The following TLK1 variants were observed in gnomAD, a reference collection of about 807,000 sequenced individuals.
TLK1 encodes tousled like kinase 1.
A neutral mutation model predicts 105.3 loss-of-function variants in TLK1; 24 were observed. That is an observed-to-expected ratio of 0.23 (90% CI 0.17 to 0.32). The LOEUF (loss-of-function observed/expected upper bound fraction) is 0.32. Among genes scored for constraint, TLK1 ranks in the 10% least tolerant of loss-of-function variants. The pLI is 1.00. For missense variants in TLK1, 558 were observed against 910.5 expected (o/e 0.61, Z 4.98); for synonymous variants, 321 against 310.4 (o/e 1.03, Z -0.36).
chr2:171,001,448 G>T (rs946527582), intron 18 of TLK1, among the ~76,000 whole-genome samples: 2 of 152,142 alleles, frequency 1.3e-5, no homozygotes, highest in Non-Finnish European at 2.9e-5. Context: ...AGCACTGATG[G>T]AACCAATCCA....
intron 3 of TLK1, among the ~76,000 whole-genome samples, chr2:171,070,538 T>C (rs549927340): frequency 2.0e-5 from 3 of 152,360 alleles, no homozygotes; most frequent in East Asian, 3.9e-4. Flanking sequence ...TTTGTCTTTC[T>C]GTGCCTGGCT....
In TLK1 at chr2:171,088,901, A is replaced by T. The variant is rs1421466613; in HGVS notation, c.259-6049T>A. 2.6e-5 allele frequency among the ~76,000 whole-genome samples: 4 copies of T among 152,372 alleles called. No homozygotes were observed. The East Asian group carries it at 7.7e-4, about 29-fold the overall frequency. On this transcript the variant is annotated intron_variant, in intron 2 of 20. Coordinates refer to ENST00000431350, the MANE Select transcript of TLK1 (RefSeq NM_012290.5). Reference sequence around the variant, plus strand: ...AAAGAGAAGATATGGGATACATGAAATAGCTCAAACACAGGACAGACACAA... The same window carrying T: ...AAAGAGAAGATATGGGATACATGAATTAGCTCAAACACAGGACAGACACAA...
At chr2:171,071,467 T>C (rs1443949636) in intron 3 of TLK1, among the ~76,000 whole-genome samples, 2 of 152,158 alleles carry the variant, frequency 1.3e-5, no homozygotes. Context: ...TTTTGTATTT[T>C]TAGTAGAGAC....
At chr2:171,067,037 A>T in intron 3 of TLK1, 1 of 1,433,426 alleles carries the variant, frequency 7.0e-7, no homozygotes, top group African/African-American at 1.4e-5. Flanking sequence ...ATGGAGTAAC[A>T]TACTCCTGTA....
chr2:171,011,108 A>T (rs957304840), intron 14 of TLK1, among the ~76,000 whole-genome samples: 1 of 152,086 alleles, frequency 6.6e-6, no homozygotes, highest in African/African-American at 2.4e-5. Context: ...GGACTCTGCA[A>T]TACTCCCACC....
chr2:171,122,194 G>C (rs964202625), intron 1 of TLK1, among the ~76,000 whole-genome samples: 1 of 151,588 alleles, frequency 6.6e-6, no homozygotes. Context: ...TCGATCTCTT[G>C]ACCTCGTGAA....
At chr2:171,089,753 C>T (rs1490873754) in intron 2 of TLK1, among the ~76,000 whole-genome samples, 1 of 152,136 alleles carries the variant, frequency 6.6e-6, no homozygotes, top group Non-Finnish European at 1.5e-5. Context: ...TAGCTCACTG[C>T]ACCCTCGAAC....
At chr2:171,180,706 T>C (rs540525662) in intron 1 of TLK1, among the ~76,000 whole-genome samples, 8 of 152,272 alleles carry the variant, frequency 5.3e-5, no homozygotes, top group Non-Finnish European at 8.8e-5. Flanking sequence ...GGCTTTAAAA[T>C]GAGTGACTGT....
chr2:171,182,142 G>A (rs1390883902), intron 1 of TLK1, among the ~76,000 whole-genome samples: 2 of 152,162 alleles, frequency 1.3e-5, no homozygotes, highest in African/African-American at 2.4e-5. Flanking sequence ...CACTGTCTGT[G>A]CTAACAAATG....
intron 1 of TLK1, among the ~76,000 whole-genome samples, chr2:171,208,704 G>T (rs1693554214): frequency 6.6e-6 from 1 of 152,198 alleles, no homozygotes; most frequent in Non-Finnish European, 1.5e-5. Flanking sequence ...TCAAAAATGA[G>T]GCATTTGATA....
intron 1 of TLK1, among the ~76,000 whole-genome samples, chr2:171,119,835 T>C (rs913635307): frequency 6.6e-6 from 1 of 152,190 alleles, no homozygotes. Context: ...ATGGATCAAA[T>C]GCCTGAATAT....
intron 3 of TLK1, among the ~76,000 whole-genome samples, chr2:171,071,579 G>A (rs1393335364): frequency 6.6e-6 from 1 of 152,008 alleles, no homozygotes. Context: ...GAGCCACCAC[G>A]CCTGACCCCA....
At chr2:171,136,324 G>A (rs1691322792) in intron 1 of TLK1, among the ~76,000 whole-genome samples, 1 of 152,310 alleles carries the variant, frequency 6.6e-6, no homozygotes, top group South Asian at 2.1e-4. Flanking sequence ...GGGCAGAGGG[G>A]AATTAGAAAG....
intron 1 of TLK1, among the ~76,000 whole-genome samples, chr2:171,119,398 A>G (rs190014737): frequency 6.6e-6 from 1 of 152,248 alleles, no homozygotes; most frequent in East Asian, 1.9e-4. Flanking sequence ...AATATTCCCC[A>G]TGGCCTTCTG....
At chr2:171,161,914 A>G (rs1417307589), upstream of TLK1, among the ~76,000 whole-genome samples, 1 of 152,228 alleles carries the variant, frequency 6.6e-6, no homozygotes, top group Non-Finnish European at 1.5e-5. Flanking sequence ...TCTCTTTAGA[A>G]AACCAAATTG....
At chr2:171,162,340 C>G (rs911040890), upstream of TLK1, among the ~76,000 whole-genome samples, 3 of 152,214 alleles carry the variant, frequency 2.0e-5, no homozygotes, top group Admixed American at 2.0e-4. Context: ...GAGTTTGAGA[C>G]CAGCCTGGCC....
intron 12 of TLK1, 31 bp downstream of exon 12, chr2:171,028,308 G>T (rs764912157): frequency 2.0e-6 from 3 of 1,501,166 alleles, no homozygotes; most frequent in Admixed American, 1.7e-5. Flanking sequence ...GTAGCAAATT[G>T]AACTAAAAAT....
At chr2:171,015,975 G>A (rs1023209026) in intron 12 of TLK1, among the ~76,000 whole-genome samples, 2 of 152,036 alleles carry the variant, frequency 1.3e-5, no homozygotes, top group Non-Finnish European at 2.9e-5. Context: ...CTACTTGGGA[G>A]GCTGAGGCAG....
intron 12 of TLK1, among the ~76,000 whole-genome samples, chr2:171,015,622 AC>A (rs1396399864): frequency 6.6e-6 from 1 of 151,618 alleles, no homozygotes; most frequent in African/African-American, 2.4e-5. Flanking sequence ...CTTAAAATAT[AC>A]AACTTTTAGA....
Sources: gnomAD v4.1 joint callset for allele counts (sites outside exome capture counted in the v4.1 genomes callset) on GRCh38, gnomAD v4.1.1 for gene constraint, MANE v1.5 for transcripts, NCBI Gene and HGNC (gene_info 2026-07-23, HGNC 2026-07-21) for gene names.